BMERB1: variants seen among roughly 807,000 people sequenced by gnomAD.
BMERB1 encodes bMERB domain-containing protein 1.
BMERB1 carries 12 observed loss-of-function variants against 23.6 expected under a neutral mutation model. The observed-to-expected ratio is 0.51, with a 90% CI of 0.33 to 0.82. The LOEUF (loss-of-function observed/expected upper bound fraction) is 0.82. BMERB1 is among the 40% of genes least tolerant of loss of function. The pLI is 0.03. For missense variants in BMERB1, 247 were observed against 255.4 expected (o/e 0.97, Z 0.22); for synonymous variants, 122 against 96.6 (o/e 1.26, Z -1.54).
At chr16:15,584,448 C>T (rs1445119234) in intron 5 of BMERB1, among the ~76,000 whole-genome samples, 3 of 151,636 alleles carry the variant, frequency 2.0e-5, no homozygotes, top group Non-Finnish European at 4.4e-5. Context: ...TTCCCAGCTA[C>T]TCGGGAAGCT....
chr16:15,509,075 C>T (rs2051626564), intron 1 of BMERB1, among the ~76,000 whole-genome samples: 1 of 151,886 alleles, frequency 6.6e-6, no homozygotes, highest in African/African-American at 2.4e-5. Context: ...TCCATCCTCC[C>T]CCGGGGATGG....
At chr16:15,470,369 G>C (rs923248494) in intron 1 of BMERB1, among the ~76,000 whole-genome samples, 5 of 151,948 alleles carry the variant, frequency 3.3e-5, no homozygotes, top group Non-Finnish European at 7.4e-5. Flanking sequence ...GGTTTGATTT[G>C]CTAGTATTTT....
intron 2 of BMERB1, among the ~76,000 whole-genome samples, chr16:15,543,046 A>T (rs1332827609): frequency 1.3e-5 from 2 of 152,160 alleles, no homozygotes; most frequent in African/African-American, 4.8e-5. Flanking sequence ...GTCCAGGAAG[A>T]ATCAGGTCAC....
intron 3 of BMERB1, among the ~76,000 whole-genome samples, chr16:15,575,428 A>G (rs146765282): frequency 0.012 from 1,889 of 152,316 alleles, 43 homozygotes; most frequent in African/African-American, 0.043. Context: ...AAGGCTAGCT[A>G]GGTGCCTAGA....
At chr16:15,561,120 G>A (rs1328645316) in intron 2 of BMERB1, among the ~76,000 whole-genome samples, 5 of 150,286 alleles carry the variant, frequency 3.3e-5, no homozygotes, top group African/African-American at 4.9e-5. Context: ...AACCATGCCC[G>A]GCTAATTTTT....
intron 1 of BMERB1, among the ~76,000 whole-genome samples, chr16:15,461,414 C>G (rs1468281466): frequency 6.6e-6 from 1 of 152,136 alleles, no homozygotes; most frequent in Non-Finnish European, 1.5e-5. Context: ...TTCCTTTCTT[C>G]TTTCTTCCCT....
rs2031181749 is a variant in BMERB1, at chr16:15,587,538, G to A, written c.*709G>A. 2.2e-6 allele frequency: 1 copy of A among 452,714 alleles called. No individual in the cohort carries two copies. Among genetic ancestry groups the A allele is most frequent in the Non-Finnish European group, 4.4e-6 (1 of 224,720 alleles). 28.0% of individuals were successfully genotyped at this position (452,714 alleles called of 1,614,324 possible). On this transcript the variant is annotated 3_prime_UTR_variant, in exon 6 of 6. Coordinates refer to ENST00000300006, the MANE Select transcript of BMERB1 (RefSeq NM_033201.3). ...CCTGGAGGGGGCCTGGACTGGCATG[G>A]ATCCAGTGTGCAGAAGAGCCAGCAG... is the stretch of plus-strand genomic sequence containing the variant.
intron 1 of BMERB1, among the ~76,000 whole-genome samples, chr16:15,437,860 A>G (rs1248040526): frequency 6.6e-6 from 1 of 151,860 alleles, no homozygotes; most frequent in Non-Finnish European, 1.5e-5. Context: ...GGGGAGGCTG[A>G]CACAGGAGAA....
At chr16:15,566,459 A>G (rs2030565383) in intron 2 of BMERB1, among the ~76,000 whole-genome samples, 1 of 152,196 alleles carries the variant, frequency 6.6e-6, no homozygotes, top group Non-Finnish European at 1.5e-5. Flanking sequence ...CCAGATGTCT[A>G]TGAATAGGGG....
intron 3 of BMERB1, among the ~76,000 whole-genome samples, chr16:15,568,769 T>C (rs1431441239): frequency 1.3e-5 from 2 of 152,222 alleles, no homozygotes; most frequent in African/African-American, 4.8e-5. Flanking sequence ...TTATCCTACT[T>C]GGGAACAGAT....
chr16:15,531,533 G>T (rs954771029), intron 2 of BMERB1, among the ~76,000 whole-genome samples: 2 of 152,202 alleles, frequency 1.3e-5, no homozygotes, highest in Admixed American at 6.5e-5. Flanking sequence ...AGGAGCCACA[G>T]TGTGGCAGCA....
At chr16:15,508,133 G>A (rs923210106) in intron 1 of BMERB1, among the ~76,000 whole-genome samples, 3 of 152,158 alleles carry the variant, frequency 2.0e-5, no homozygotes, top group Admixed American at 6.6e-5. Context: ...CCCCATCTAT[G>A]AAATGGGATA....
At chr16:15,508,643 G>A (rs2051620972) in intron 1 of BMERB1, among the ~76,000 whole-genome samples, 1 of 151,876 alleles carries the variant, frequency 6.6e-6, no homozygotes, top group South Asian at 2.1e-4. Flanking sequence ...GGGCAACATG[G>A]CAAAACCCCA....
At chr16:15,573,124 C>A (rs1472712805) in intron 3 of BMERB1, among the ~76,000 whole-genome samples, 1 of 152,098 alleles carries the variant, frequency 6.6e-6, no homozygotes, top group Non-Finnish European at 1.5e-5. Context: ...ACAGTAAGAC[C>A]AGCTGTCTCC....
intron 2 of BMERB1, among the ~76,000 whole-genome samples, chr16:15,535,934 C>G (rs950514521): frequency 6.6e-6 from 1 of 152,024 alleles, no homozygotes; most frequent in Non-Finnish European, 1.5e-5. Context: ...CTTATAAAGC[C>G]CTCAGATCTC....
chr16:15,576,425 C>G (rs1260353596), intron 3 of BMERB1, among the ~76,000 whole-genome samples: 1 of 152,168 alleles, frequency 6.6e-6, no homozygotes, highest in East Asian at 1.9e-4. Context: ...CTGTTCCCCT[C>G]TCTCATTTCA....
intron 1 of BMERB1, among the ~76,000 whole-genome samples, chr16:15,480,052 T>C (rs2051306412): frequency 1.3e-5 from 2 of 149,512 alleles, no homozygotes; most frequent in Admixed American, 1.3e-4. Context: ...CTTTGGGTCC[T>C]CCATATTTTT....
intron 1 of BMERB1, among the ~76,000 whole-genome samples, chr16:15,453,873 AAAAAT>A (rs752924604): frequency 6.2e-4 from 95 of 152,222 alleles, no homozygotes; most frequent in Middle Eastern, 3.4e-3. Flanking sequence ...ACTCTGTCTC[AAAAAT>A]AAAATAAAAT....
intron 1 of BMERB1, among the ~76,000 whole-genome samples, chr16:15,500,070 T>C (rs1372740785): frequency 1.3e-5 from 2 of 152,206 alleles, no homozygotes; most frequent in Non-Finnish European, 2.9e-5. Context: ...TTGCAACTTA[T>C]CACTGCCCAT....
Sources: allele counts gnomAD v4.1 joint callset (sites outside exome capture counted in the v4.1 genomes callset), GRCh38; gene constraint gnomAD v4.1.1; transcripts MANE v1.5; gene names NCBI Gene and HGNC (gene_info 2026-07-23, HGNC 2026-07-21).